MYCBP2: variants seen among roughly 807,000 people sequenced by gnomAD.
MYCBP2 encodes the protein MYC binding protein 2, also known as E3 ubiquitin-protein ligase MYCBP2.
Under a neutral mutation model 525.3 loss-of-function variants are expected in MYCBP2, and 120 were observed. The observed-to-expected ratio is 0.23, with a 90% CI of 0.20 to 0.27. The LOEUF is 0.27. Among genes scored for constraint, MYCBP2 ranks in the 10% least tolerant of loss-of-function variants. The probability of loss-of-function intolerance (pLI) is 1.00; values close to 1 mark genes in which losing one functional copy is unlikely to be tolerated. For synonymous variants in MYCBP2, 1,894 were observed against 1,955.8 expected, an observed-to-expected ratio of 0.97 and a Z score of 0.83; for missense variants, 4,149 against 5,657.1, an observed-to-expected ratio of 0.73 and a Z score of 8.55.
intron 26 of MYCBP2, among the ~76,000 whole-genome samples, chr13:77,204,995 A>C (rs2154275097): frequency 6.6e-6 from 1 of 151,926 alleles, no homozygotes; most frequent in Non-Finnish European, 1.5e-5. Context: ...ACATGTATAC[A>C]TATGTAACTA....
chr13:77,125,826 A>T (rs2154166042), intron 53 of MYCBP2, among the ~76,000 whole-genome samples: 1 of 152,276 alleles, frequency 6.6e-6, no homozygotes, highest in Admixed American at 6.5e-5. Flanking sequence ...TCCATAGTGT[A>T]ACTTGAAAAT....
chr13:77,113,876 G>A (rs1290522401), intron 55 of MYCBP2, among the ~76,000 whole-genome samples: 1 of 152,126 alleles, frequency 6.6e-6, no homozygotes, highest in Non-Finnish European at 1.5e-5. Flanking sequence ...TGTGACAGAT[G>A]TTATAAAGTC....
chr13:77,186,570 T>A (rs930470957), intron 30 of MYCBP2, among the ~76,000 whole-genome samples: 2 of 152,158 alleles, frequency 1.3e-5, no homozygotes, highest in Non-Finnish European at 2.9e-5. Context: ...CAATTTTTGA[T>A]AAATACATTA....
At position 77,233,174 on chromosome 13, in the gene MYCBP2, T is replaced by C; in HGVS notation, c.2719A>G (p.Lys907Glu). Residue 907 changes from lysine to glutamate, a missense_variant, in exon 18 of 83, where the codon AAA becomes GAA. Physicochemically the swap from Lys to Glu is moderately conservative, Grantham distance 56. Transcript: ENST00000544440. ...CAAATACCTTTGTGCTTGTCCCGTTTATGCTTTAGCTGTGCTGGATGGGAT... is the reference window on the plus strand; with the variant it reads ...CAAATACCTTTGTGCTTGTCCCGTTCATGCTTTAGCTGTGCTGGATGGGAT... ...LRSHPAQLKH[K>E]RDKHKDGSGE... The C allele has an allele frequency of 6.2e-7, 1 of 1,613,826 alleles. No homozygotes were observed. Among genetic ancestry groups the C allele is most frequent in the Non-Finnish European group, 8.5e-7 (1 of 1,179,786 alleles).
At position 77,326,813 on chromosome 13, in the gene MYCBP2, C is replaced by T. The variant is rs577756369; in HGVS notation, c.-38G>A. ...CGCCGCCGCCGCCGCCTCGTCCCCG[C>T]GGGCCGGGCGGGCAGACACGCGCGC... On this transcript the variant is annotated 5_prime_UTR_variant, in exon 1 of 83. Transcript: ENST00000544440. The surrounding 1 kb of genome is among the most constrained non-coding windows in gnomAD (Gnocchi z 4.2). 1.6e-3 allele frequency: 2,194 copies of T among 1,386,412 alleles called. 21 individuals carry two copies. Among genetic ancestry groups the T allele is most frequent in the Non-Finnish European group, 1.0e-3 (1,088 of 1,082,854 alleles). 85.9% of individuals were successfully genotyped at this position (1,386,412 alleles called of 1,614,324 possible).
chr13:77,097,707 T>G lies in MYCBP2; in HGVS notation c.9447A>C (p.Thr3149=). 1 of 1,613,688 alleles carries G rather than the reference T, an allele frequency of 6.2e-7. No individual in the cohort carries two copies. The highest frequency in any genetic ancestry group is 2.2e-5 in the East Asian group (1 of 44,830). Residue 3149 remains threonine (T), a synonymous_variant, in exon 56 of 83, where the codon ACA becomes ACC. Coordinates refer to ENST00000544440, the MANE Select transcript of MYCBP2 (RefSeq NM_015057.5). The part of the protein sequence containing the change: ...ETTFEMSMHN[T]MKSKSPLPLT... ...AGGGAAGAGGAGACTTAGACTTCAT[T>G]GTGTTATGCATGGACATTTCAAAAG...
In MYCBP2 at chr13:77,045,152, A is replaced by G; in HGVS notation, c.*226T>C. The G allele has an allele frequency of 2.1e-6, 1 of 466,394 alleles. No homozygotes were observed. Among genetic ancestry groups the G allele is most frequent in the Non-Finnish European group, 3.8e-6 (1 of 264,856 alleles). The allele number at this position is 466,394 out of a possible 1,614,324, so 28.9% of individuals were successfully genotyped here. A position where few individuals can be genotyped will look rare whatever the true frequency, so the allele number is the denominator to read the frequency against. On this transcript the variant is annotated 3_prime_UTR_variant, in exon 83 of 83. Coordinates refer to ENST00000544440, the MANE Select transcript of MYCBP2 (RefSeq NM_015057.5). ...AATGGCCACATGCAAACACCTCACA[A>G]GTTTGATGTCATTTGTTCAAAAGAA...
chr13:77,067,675 G>C lies in MYCBP2; in HGVS notation c.12361C>G (p.Leu4121Val), dbSNP rs749615485. 1.6e-5 allele frequency: 26 copies of C among 1,614,052 alleles called. No individual in the cohort carries two copies. Among genetic ancestry groups the C allele is most frequent in the Non-Finnish European group, 1.9e-5 (23 of 1,180,026 alleles). The stretch of plus-strand genomic sequence containing the variant: ...GTGATGGTGGTTCCTTTGGCTTTTA[G>C]CTGTACAGTGAGTGCTTTGGCAATG... ...GCIAKALTVQ[L>V]KAKGTTITGT... Residue 4121 changes from leucine to valine, a missense_variant, in exon 71 of 83, where the codon CTA (leucine) becomes GTA (valine). By Grantham distance (32) the Leu-to-Val change is conservative. This residue lies in a region of MYCBP2 where 148 missense variants were observed against 179.4 expected (regional missense o/e 0.82). Transcript: ENST00000544440.
chr13:77,198,055 C>T (rs541787976), intron 26 of MYCBP2, among the ~76,000 whole-genome samples: 4 of 152,312 alleles, frequency 2.6e-5, no homozygotes, highest in African/African-American at 9.6e-5. Context: ...AAATATCCTC[C>T]TGATGAGCTT....
chr13:77,238,103 T>G lies in MYCBP2; in HGVS notation c.2630-4840A>C, dbSNP rs1049831030. ...GTAAAAATACAAAAAATTAGCCCGG[T>G]GTGGTGGTGAACGCCTGCAGTCCCA... On this transcript the variant is annotated intron_variant, in intron 17 of 82. Transcript: ENST00000544440. Among the ~76,000 whole-genome samples the G allele has an allele frequency of 6.0e-5, 9 of 150,852 alleles. No individual in the cohort carries two copies. The East Asian group carries it at 1.7e-3, about 29-fold the overall frequency.
intron 40 of MYCBP2, among the ~76,000 whole-genome samples, chr13:77,166,976 TACACACACACACACACACACACACAC>T (rs539593054): frequency 8.7e-5 from 11 of 127,142 alleles, no homozygotes; most frequent in East Asian, 2.4e-4. Context: ...AACACACACA[TACACACACACACACACACACACACAC>T]ACACACACAC....
chr13:77,093,841 T>C (rs2045819085), intron 58 of MYCBP2, among the ~76,000 whole-genome samples: 1 of 152,164 alleles, frequency 6.6e-6, no homozygotes, highest in Admixed American at 6.6e-5. Context: ...TGAAAAATAT[T>C]AGATATATGA....
At chr13:77,321,176 T>G (rs1380327738) in intron 1 of MYCBP2, among the ~76,000 whole-genome samples, 1 of 152,258 alleles carries the variant, frequency 6.6e-6, no homozygotes, top group Non-Finnish European at 1.5e-5. Flanking sequence ...TTCTGTTGAT[T>G]TTTTAAACAA....
Position 77,303,087 on chromosome 13 carries a change from C to A in MYCBP2, c.303-6413G>T, listed in dbSNP as rs533177763. On this transcript the variant is annotated intron_variant, in intron 1 of 82. Transcript: ENST00000544440. Reference sequence around the variant, plus strand: ...CGGTGGCTCATGCCTGTAATCCCAGCACTTTGGGAGGCCAAGGCAGGTGGA... The same window carrying A: ...CGGTGGCTCATGCCTGTAATCCCAGAACTTTGGGAGGCCAAGGCAGGTGGA... Among the ~76,000 whole-genome samples the A allele has an allele frequency of 2.6e-5, 4 of 152,346 alleles. No individual in the cohort carries two copies. In the South Asian group the frequency reaches 8.3e-4, roughly 32 times the overall value.
chr13:77,141,021 C>T, intron 49 of MYCBP2, 78 bp from the exon 50 acceptor site: 1 of 992,292 alleles, frequency 1.0e-6, no homozygotes. Flanking sequence ...TTATAAACAT[C>T]CACAGGCTAT....
chr13:77,286,887 A>T (rs1369939149), intron 3 of MYCBP2, among the ~76,000 whole-genome samples: 2 of 133,622 alleles, frequency 1.5e-5, no homozygotes, highest in Non-Finnish European at 3.1e-5. Context: ...TCTATAATAC[A>T]GGTTTTTTGT....
At chr13:77,233,845 A>C (rs1463912880) in intron 17 of MYCBP2, among the ~76,000 whole-genome samples, 2 of 151,018 alleles carry the variant, frequency 1.3e-5, no homozygotes, top group Admixed American at 6.6e-5. Context: ...CTGCATATAG[A>C]TATATGTATA....
intron 17 of MYCBP2, 67 bp downstream of exon 17, chr13:77,242,992 T>A (rs1388565234): frequency 6.0e-6 from 8 of 1,329,274 alleles, no homozygotes; most frequent in Non-Finnish European, 7.5e-6. Context: ...TGTGAACTTT[T>A]CAGTGGTTTC....
At chr13:77,295,384 G>A (rs1409327845) in intron 2 of MYCBP2, among the ~76,000 whole-genome samples, 4 of 152,042 alleles carry the variant, frequency 2.6e-5, no homozygotes, top group African/African-American at 4.8e-5. Context: ...TGCCAGCCTC[G>A]GCCTCCCAAA....
Sources: allele counts gnomAD v4.1 joint callset (sites outside exome capture counted in the v4.1 genomes callset), GRCh38; gene constraint gnomAD v4.1.1; regional missense constraint gnomAD v4.1.1; non-coding constraint Gnocchi (gnomAD v3.1); transcripts MANE v1.5; gene names NCBI Gene and HGNC (gene_info 2026-07-23, HGNC 2026-07-21).